Variants in PAK5 observed in about 807,000 individuals in gnomAD.
PAK5 encodes p21 (RAC1) activated kinase 5, also known as serine/threonine-protein kinase PAK 5.
Under a neutral mutation model 65.9 loss-of-function variants are expected in PAK5, and 16 were observed. That is an observed-to-expected ratio of 0.24 (90% CI 0.16 to 0.37). The LOEUF (loss-of-function observed/expected upper bound fraction) is 0.37. PAK5 is among the 10% of genes least tolerant of loss of function. The pLI is 1.00. For missense variants in PAK5, 785 were observed against 903.9 expected (o/e 0.87, Z 1.69); for synonymous variants, 371 against 354.9 (o/e 1.05, Z -0.51).
At chr20:9,782,185 C>T (rs570684460) in intron 1 of PAK5, among the ~76,000 whole-genome samples, 2 of 152,232 alleles carry the variant, frequency 1.3e-5, no homozygotes, top group Middle Eastern at 3.4e-3. Context: ...ATTCCATCTT[C>T]CTGGAACATT....
chr20:9,779,636 A>G (rs1394380696), intron 1 of PAK5, among the ~76,000 whole-genome samples: 1 of 151,820 alleles, frequency 6.6e-6, no homozygotes, highest in Non-Finnish European at 1.5e-5. Context: ...GGAGATAGAG[A>G]GCTCAGTAGC....
intron 2 of PAK5, among the ~76,000 whole-genome samples, chr20:9,656,931 G>A (rs2047276042): frequency 6.6e-6 from 1 of 152,116 alleles, no homozygotes; most frequent in East Asian, 1.9e-4. Context: ...ACACATAAAT[G>A]TACACTTTAC....
At chr20:9,680,140 C>T (rs1052414406) in intron 2 of PAK5, among the ~76,000 whole-genome samples, 2 of 152,210 alleles carry the variant, frequency 1.3e-5, no homozygotes, top group Non-Finnish European at 2.9e-5. Flanking sequence ...ACAATGGCTA[C>T]TGAGCACTAG....
intron 1 of PAK5, among the ~76,000 whole-genome samples, chr20:9,809,253 T>C (rs2049268919): frequency 6.6e-6 from 1 of 151,762 alleles, no homozygotes; most frequent in Non-Finnish European, 1.5e-5. Flanking sequence ...AATCAGACTG[T>C]CTGGAAAGGT....
intron 2 of PAK5, among the ~76,000 whole-genome samples, chr20:9,692,172 T>C (rs1039504002): frequency 1.3e-5 from 2 of 151,336 alleles, no homozygotes; most frequent in Non-Finnish European, 3.0e-5. Context: ...ATTTTTCATG[T>C]AAAAGAAAAC....
intron 1 of PAK5, among the ~76,000 whole-genome samples, chr20:9,756,079 A>T (rs1250378660): frequency 6.6e-6 from 1 of 152,184 alleles, no homozygotes; most frequent in Non-Finnish European, 1.5e-5. Context: ...TGCTGGGTGA[A>T]GGGAGAAAAA....
At chr20:9,727,405 A>C (rs2048288870) in intron 1 of PAK5, among the ~76,000 whole-genome samples, 1 of 152,126 alleles carries the variant, frequency 6.6e-6, no homozygotes, top group African/African-American at 2.4e-5. Flanking sequence ...TCACACCATA[A>C]AAAGTTACTA....
intron 1 of PAK5, among the ~76,000 whole-genome samples, chr20:9,785,155 T>C (rs746672648): frequency 2.9e-4 from 44 of 152,176 alleles, no homozygotes; most frequent in Non-Finnish European, 3.8e-4. Context: ...CCTATGCTCA[T>C]CGTAAGAATT....
chr20:9,644,442 T>C (rs2047107381), intron 2 of PAK5, 103 bp from the exon 3 acceptor site: 1 of 705,792 alleles, frequency 1.4e-6, no homozygotes, highest in Non-Finnish European at 2.4e-6. Context: ...TTTTCAGTTA[T>C]TCCTCTAGAT....
rs1452489051 is a variant in PAK5 at position 9,784,438 on chromosome 20, GT to G, written c.-162+54323del. The G allele has an allele frequency of 3.3e-5, 5 of 152,322 alleles. No individual in the cohort carries two copies. The East Asian group carries it at 5.8e-4, about 18-fold the overall frequency. 9.4% of individuals were successfully genotyped at this position (152,322 alleles called of 1,614,324 possible). A position where few individuals can be genotyped will look rare whatever the true frequency, so the allele number is the denominator to read the frequency against. On this transcript the variant is annotated intron_variant, in intron 1 of 9. Coordinates refer to ENST00000353224, the MANE Select transcript of PAK5 (RefSeq NM_177990.4). ...GGTTGGAACTGCAGACACAGATTTG[GT>G]GATAAACATTTCAGAGGCCCCAGTA...
chr20:9,664,317 A>G lies in PAK5; in HGVS notation c.-11-19978T>C, dbSNP rs189068628. 6.6e-4 allele frequency among the ~76,000 whole-genome samples: 101 copies of G among 152,290 alleles called. No individual in the cohort carries two copies. In the East Asian group the frequency reaches 0.011, roughly 17 times the overall value. On this transcript the variant is annotated intron_variant, in intron 2 of 9. Transcript: ENST00000353224. ...TGTTCAGTGGGTTGACACCCTCTTT[A>G]TAAAGAACATGAGAAAAGTCATCAC...
chr20:9,602,576 C>T (rs1283315374), intron 3 of PAK5, among the ~76,000 whole-genome samples: 1 of 152,266 alleles, frequency 6.6e-6, no homozygotes, highest in Non-Finnish European at 1.5e-5. Flanking sequence ...GTTCTTTTTG[C>T]AGATCATTCT....
At chr20:9,831,961 A>G (rs1301926596) in intron 1 of PAK5, among the ~76,000 whole-genome samples, 1 of 152,108 alleles carries the variant, frequency 6.6e-6, no homozygotes, top group Admixed American at 6.5e-5. Flanking sequence ...TAACAATACA[A>G]TATATGTAGT....
intron 1 of PAK5, among the ~76,000 whole-genome samples, chr20:9,774,706 G>A (rs1436707948): frequency 6.6e-6 from 1 of 152,086 alleles, no homozygotes; most frequent in Non-Finnish European, 1.5e-5. Context: ...GCTGACGGAC[G>A]ACCAAGGTGG....
At chr20:9,544,295 C>A (rs2045310436) in intron 8 of PAK5, 74 bp downstream of exon 8, 1 of 1,516,156 alleles carries the variant, frequency 6.6e-7, no homozygotes, top group Non-Finnish European at 9.1e-7. Context: ...CCTGTGGTCA[C>A]CAACTATCTC....
chr20:9,542,484 A>AG (rs2045281122), intron 9 of PAK5, 102 bp downstream of exon 9: 1 of 1,147,876 alleles, frequency 8.7e-7, no homozygotes, highest in Non-Finnish European at 1.3e-6. Context: ...CTCATAAACC[A>AG]GGATCTTCCT....
At chr20:9,826,137 C>T (rs2049481305) in intron 1 of PAK5, among the ~76,000 whole-genome samples, 1 of 151,948 alleles carries the variant, frequency 6.6e-6, no homozygotes, top group Non-Finnish European at 1.5e-5. Flanking sequence ...AATTTTGCAA[C>T]TAAGTGTATG....
intron 3 of PAK5, among the ~76,000 whole-genome samples, chr20:9,601,457 C>T (rs2046357697): frequency 1.3e-5 from 2 of 152,118 alleles, no homozygotes; most frequent in South Asian, 2.1e-4. Flanking sequence ...GTCCCAATAG[C>T]CCTAGGAGAC....
Position 9,763,111 on chromosome 20 carries a change from G to A in PAK5, c.-161-51676C>T, listed in dbSNP as rs534973112. Among the ~76,000 whole-genome samples the A allele has an allele frequency of 4.6e-5, 7 of 152,214 alleles. No individual in the cohort carries two copies. The South Asian group carries it at 1.5e-3, about 32-fold the overall frequency. ...TAGAATGCTGATTGCCTGGGGCTGA[G>A]GGGAAGGGGAAATGGGGAAGCAATG... On this transcript the variant is annotated intron_variant, in intron 1 of 9. Transcript: ENST00000353224.
Sources: gnomAD v4.1 joint callset for allele counts (sites outside exome capture counted in the v4.1 genomes callset) on GRCh38, gnomAD v4.1.1 for gene constraint, MANE v1.5 for transcripts, NCBI Gene and HGNC (gene_info 2026-07-23, HGNC 2026-07-21) for gene names.